The following RETN variants were observed in gnomAD, a reference collection of about 807,000 sequenced individuals.
RETN encodes the protein resistin, also known as C/EBP-epsilon regulated myeloid-specific secreted cysteine-rich protein precursor 1.
RETN carries 5 observed loss-of-function variants against 6.1 expected under a neutral mutation model. The observed-to-expected ratio is 0.82, with a 90% CI of 0.43 to 1.73. The LOEUF is 1.73. Among genes scored for constraint, RETN ranks in the 40% most tolerant of loss-of-function variants. The pLI, the probability that RETN is intolerant of heterozygous loss-of-function variation, is 0.02. For missense variants in RETN, 168 were observed against 142.5 expected (o/e 1.18, Z -0.91); for synonymous variants, 62 against 59.2 (o/e 1.05, Z -0.22).
rs894321927 is a variant in RETN, at chr19:7,669,421, T to G, written c.95T>G (p.Ile32Ser). The change falls in exon 2 of 4, where the codon ATC becomes AGC. Residue 32 changes from isoleucine (I) to serine (S), a missense_variant. By Grantham distance (142) the Ile-to-Ser change is moderately radical (BLOSUM62 -2). Transcript: ENST00000221515. Reference protein sequence around the residue: ...CSMEEAINERIQEVAGSLIFR... With the variant: ...CSMEEAINERSQEVAGSLIFR... ...ATGGAAGAAGCCATCAATGAGAGGA[T>G]CCAGGAGGTCGCCGGCTCCCTAAGT... 52 of 1,613,646 alleles carry G rather than the reference T, an allele frequency of 3.2e-5. No individual in the cohort carries two copies. The highest frequency in any genetic ancestry group is 4.1e-5 in the Non-Finnish European group (48 of 1,179,852).
Position 7,670,303 on chromosome 19 carries a change from C to A in RETN, c.281C>A (p.Ala94Glu). The change falls in exon 4 of 4, where the codon GCG becomes GAG. Residue 94 changes from alanine (A) to glutamate (E), a missense_variant. Physicochemically the swap from Ala to Glu is moderately radical, Grantham distance 107. Transcript: ENST00000221515. ...GAGACCACATGTCACTGCCAGTGCG[C>A]GGGCATGGACTGGACCGGAGCGCGC... ...RAETTCHCQC[A>E]GMDWTGARCC... is the part of the protein sequence containing the mutation. 6.3e-7 allele frequency: 1 copy of A among 1,585,978 alleles called. No homozygotes were observed. The highest frequency in any genetic ancestry group is 8.5e-7 in the Non-Finnish European group (1 of 1,171,264).
At chr19:7,669,714 C>T in intron 2 of RETN, 107 bp from the exon 3 acceptor site, 5 of 986,886 alleles carry the variant, frequency 5.1e-6, no homozygotes, top group Middle Eastern at 2.2e-4. Context: ...CCAGTGAGCT[C>T]CTATGCCCAC....
rs775816377 is a variant in RETN, at chr19:7,669,334, C to T, written c.8C>T (p.Ala3Val). 2.5e-6 allele frequency: 4 copies of T among 1,612,706 alleles called. No individual in the cohort carries two copies. Among genetic ancestry groups the T allele is most frequent in the African/African-American group, 1.3e-5 (1 of 74,872 alleles). Reference sequence around the variant, plus strand: ...TCTTTCAGCGCCTGCAGGATGAAAGCTCTCTGTCTCCTCCTCCTCCCTGTC... The same window carrying T: ...TCTTTCAGCGCCTGCAGGATGAAAGTTCTCTGTCTCCTCCTCCTCCCTGTC... MK[A>V]LCLLLLPVLG... Residue 3 changes from alanine to valine, a missense_variant, in exon 2 of 4, where the codon GCT becomes GTT. By Grantham distance (64) the Ala-to-Val change is moderately conservative. Coordinates refer to ENST00000221515, the MANE Select transcript of RETN (RefSeq NM_020415.4).
chr19:7,669,979 G>T, intron 3 of RETN, 81 bp downstream of exon 3: 1 of 1,131,368 alleles, frequency 8.8e-7, no homozygotes. Context: ...CACGTTCCCC[G>T]TGTCCAGCCT....
chr19:7,669,505 C>A lies in RETN; in HGVS notation c.118+61C>A. On this transcript the variant is annotated intron_variant, in intron 2 of 3. Transcript: ENST00000221515. Reference sequence around the variant, plus strand: ...TCTCAGAGACCTCACTGATCCCTGGCACAGACCTGACTCCAACCCAGCCCC... The same window carrying A: ...TCTCAGAGACCTCACTGATCCCTGGAACAGACCTGACTCCAACCCAGCCCC... 4.2e-6 allele frequency: 5 copies of A among 1,202,468 alleles called. No homozygotes were observed. In the South Asian group the frequency reaches 4.8e-5, roughly 12 times the overall value. 74.5% of individuals were successfully genotyped at this position (1,202,468 alleles called of 1,614,324 possible). A position where few individuals can be genotyped will look rare whatever the true frequency, so the allele number is the denominator to read the frequency against.
intron 1 of RETN, 29 bp from the exon 2 acceptor site, chr19:7,669,288 G>A: frequency 1.3e-6 from 2 of 1,498,772 alleles, no homozygotes; most frequent in South Asian, 1.1e-5. Context: ...GGCTGATCCA[G>A]CTGTGGGTCT....
In RETN at chr19:7,669,344, C is replaced by T; in HGVS notation, c.18C>T (p.Leu6=). ...CCTGCAGGATGAAAGCTCTCTGTCT[C>T]CTCCTCCTCCCTGTCCTGGGGCTGT... MKALC[L]LLLPVLGLLV... is the part of the protein sequence containing the mutation. Residue 6 remains leucine, a synonymous_variant, in exon 2 of 4, where the codon CTC becomes CTT. Transcript: ENST00000221515. The T allele has an allele frequency of 1.2e-6, 2 of 1,609,604 alleles. No individual in the cohort carries two copies. The highest frequency in any genetic ancestry group is 8.5e-7 in the Non-Finnish European group (1 of 1,176,162).
At chr19:7,669,258 G>T in intron 1 of RETN, 59 bp from the exon 2 acceptor site, 1 of 1,233,022 alleles carries the variant, frequency 8.1e-7, no homozygotes, top group Non-Finnish European at 1.2e-6. Flanking sequence ...TCCATGGGCC[G>T]GATCTTCCCC....
chr19:7,669,227 C>T (rs1168273845), intron 1 of RETN, 90 bp from the exon 2 acceptor site: 15 of 906,136 alleles, frequency 1.7e-5, no homozygotes, highest in Non-Finnish European at 2.8e-5. Flanking sequence ...GGGTCCAGGT[C>T]CAGGGGCAGA....
chr19:7,670,127 C>G, intron 3 of RETN, 92 bp from the exon 4 acceptor site: 1 of 520,164 alleles, frequency 1.9e-6, no homozygotes, highest in Non-Finnish European at 3.5e-6. Flanking sequence ...CACCCCCGCC[C>G]CCCCAACCCC....
At chr19:7,669,926 G>T in intron 3 of RETN, 28 bp downstream of exon 3, 3 of 1,592,614 alleles carry the variant, frequency 1.9e-6, no homozygotes, top group Non-Finnish European at 2.6e-6. Flanking sequence ...TTGTCCAGGC[G>T]CCCATTTCTG....
Position 7,669,357 on chromosome 19 carries a change from G to C in RETN, c.31G>C (p.Val11Leu). Reference protein sequence around the residue: MKALCLLLLPVLGLLVSSKTL... With the variant: MKALCLLLLPLLGLLVSSKTL... ...AGCTCTCTGTCTCCTCCTCCTCCCT[G>C]TCCTGGGGCTGTTGGTGTCTAGCAA... Residue 11 changes from valine (V) to leucine (L), a missense_variant, in exon 2 of 4, where the codon GTC becomes CTC. Transcript: ENST00000221515. The C allele has an allele frequency of 6.2e-7, 1 of 1,613,918 alleles. No individual in the cohort carries two copies. Among genetic ancestry groups the C allele is most frequent in the Non-Finnish European group, 8.5e-7 (1 of 1,179,928 alleles).
intron 1 of RETN, 57 bp downstream of exon 1, chr19:7,669,178 G>T: frequency 1.5e-6 from 1 of 681,136 alleles, no homozygotes; most frequent in Non-Finnish European, 2.6e-6. Flanking sequence ...CTGGGGTCAA[G>T]GCTGAGCCTC....
At chr19:7,670,131 C>T in intron 3 of RETN, 88 bp from the exon 4 acceptor site, 1 of 521,556 alleles carries the variant, frequency 1.9e-6, no homozygotes, top group Non-Finnish European at 3.5e-6. Context: ...CCCGCCCCCC[C>T]AACCCCCCTC....
At position 7,669,072 on chromosome 19, in the gene RETN, C is replaced by CG. The variant is rs1458081290; in HGVS notation, c.-58dup. 1.1e-5 allele frequency: 5 copies of CG among 475,358 alleles called. 1 individual carries two copies. The highest frequency in any genetic ancestry group is 9.8e-5 in the African/African-American group (5 of 51,152). The allele number at this position is 475,358 out of a possible 1,614,324, so 29.4% of individuals were successfully genotyped here. A position where few individuals can be genotyped will look rare whatever the true frequency, so the allele number is the denominator to read the frequency against. ...CCAAGAGGCCTCAAAGAAAGAGCTG[C>CG]GGTGCAGGAATTCGTGTGCCGGATT... On this transcript the variant is annotated 5_prime_UTR_variant, in exon 1 of 4. Transcript: ENST00000221515.
At chr19:7,669,232 G>A in intron 1 of RETN, 85 bp from the exon 2 acceptor site, 5 of 947,048 alleles carry the variant, frequency 5.3e-6, no homozygotes, top group Non-Finnish European at 5.2e-6. Context: ...CAGGTCCAGG[G>A]GCAGATCCTA....
Position 7,670,277 on chromosome 19 carries a change from C to T in RETN, c.255C>T (p.Ala85=). 6.3e-7 allele frequency: 1 copy of T among 1,595,940 alleles called. No individual in the cohort carries two copies. The highest frequency in any genetic ancestry group is 8.5e-7 in the Non-Finnish European group (1 of 1,176,174). The part of the protein sequence containing the change: ...GSACGSWDVR[A]ETTCHCQCAG... Reference sequence around the variant, plus strand: ...CCTGTGGCTCGTGGGATGTGCGCGCCGAGACCACATGTCACTGCCAGTGCG... The same window carrying T: ...CCTGTGGCTCGTGGGATGTGCGCGCTGAGACCACATGTCACTGCCAGTGCG... Residue 85 remains alanine, a synonymous_variant, in exon 4 of 4, where the codon GCC becomes GCT. Transcript: ENST00000221515.
rs1387431891 is a variant in RETN at position 7,670,385 on chromosome 19, C to T, written c.*36C>T. On this transcript the variant is annotated 3_prime_UTR_variant, in exon 4 of 4. Transcript: ENST00000221515. The stretch of plus-strand genomic sequence containing the variant: ...AGCGCGTGCACAGCGCGGGCGGAGG[C>T]GGCTCCAGGTCCGGAGGGGTTGCGG... 6.5e-7 allele frequency: 1 copy of T among 1,530,154 alleles called. No individual in the cohort carries two copies. Among genetic ancestry groups the T allele is most frequent in the Admixed American group, 2.0e-5 (1 of 50,484 alleles). The allele number at this position is 1,530,154 out of a possible 1,614,324, so 94.8% of individuals were successfully genotyped here.
At chr19:7,669,591 T>A in intron 2 of RETN, 147 bp downstream of exon 2, 1 of 735,062 alleles carries the variant, frequency 1.4e-6, no homozygotes, top group Admixed American at 2.0e-5. Flanking sequence ...CCAACTCCAC[T>A]CCCAACCCCT....
Sources: allele counts gnomAD v4.1 joint callset, GRCh38; gene constraint gnomAD v4.1.1; transcripts MANE v1.5; gene names NCBI Gene and HGNC (gene_info 2026-07-23, HGNC 2026-07-21).